Variants in MICU1 observed in about 807,000 individuals in gnomAD.
MICU1 encodes calcium uptake protein 1, mitochondrial.
Under a neutral mutation model 56.8 loss-of-function variants are expected in MICU1, and 45 were observed. The observed-to-expected ratio is 0.79, with a 90% CI of 0.62 to 1.02. The LOEUF is 1.02. Among genes scored for constraint, MICU1 ranks in the 50% least tolerant of loss-of-function variants. The pLI is 0.00. For synonymous variants in MICU1, 186 were observed against 195.1 expected (o/e 0.95, Z 0.39); for missense variants, 504 against 587.1 (o/e 0.86, Z 1.46).
chr10:72,616,893 G>T (rs531792818), intron 1 of MICU1, among the ~76,000 whole-genome samples: 421 of 152,260 alleles, frequency 2.8e-3, no homozygotes, highest in Middle Eastern at 6.8e-3. Context: ...CTCAATTAAG[G>T]GAAACTATTG....
intron 5 of MICU1, among the ~76,000 whole-genome samples, chr10:72,508,811 T>C (rs1260539192): frequency 1.3e-5 from 2 of 152,176 alleles, no homozygotes; most frequent in African/African-American, 4.8e-5. Context: ...CAGACCAGTA[T>C]GCAGAGTGAA....
intron 3 of MICU1, among the ~76,000 whole-genome samples, chr10:72,561,018 A>G (rs1314746149): frequency 6.6e-6 from 1 of 152,268 alleles, no homozygotes; most frequent in Non-Finnish European, 1.5e-5. Context: ...TGAAGACAGA[A>G]TAAGTGTTGA....
At chr10:72,398,565 A>G (rs956366186) in intron 10 of MICU1, among the ~76,000 whole-genome samples, 1 of 152,170 alleles carries the variant, frequency 6.6e-6, no homozygotes, top group Non-Finnish European at 1.5e-5. Context: ...TAAAGAAGAA[A>G]AGAGAGAAGA....
intron 2 of MICU1, among the ~76,000 whole-genome samples, chr10:72,563,297 A>G (rs563721328): frequency 6.6e-6 from 1 of 152,346 alleles, no homozygotes; most frequent in East Asian, 1.9e-4. Flanking sequence ...CAGCAGCACT[A>G]TGCACAATAG....
intron 8 of MICU1, among the ~76,000 whole-genome samples, chr10:72,451,755 C>T (rs1370073884): frequency 6.6e-6 from 1 of 152,136 alleles, no homozygotes; most frequent in African/African-American, 2.4e-5. Flanking sequence ...GTTGCCCAGG[C>T]TGGTCTTAAA....
chr10:72,509,699 TAG>T (rs1763880471), intron 5 of MICU1, among the ~76,000 whole-genome samples: 1 of 152,166 alleles, frequency 6.6e-6, no homozygotes, highest in Admixed American at 6.5e-5. Context: ...TGATAGCATT[TAG>T]AGATTACTTC....
chr10:72,530,335 AAATAAT>A (rs372087915), intron 5 of MICU1, among the ~76,000 whole-genome samples: 5,994 of 64,876 alleles, frequency 0.092, 408 homozygotes, highest in African/African-American at 0.2. Flanking sequence ...CTCCATATCA[AAATAAT>A]AATAATAATA....
chr10:72,461,540 G>A (rs1474736931), intron 8 of MICU1, among the ~76,000 whole-genome samples: 2 of 152,110 alleles, frequency 1.3e-5, no homozygotes, highest in East Asian at 3.9e-4. Context: ...AGTATTTCTT[G>A]TTCATTTATC....
rs1862496749 is a variant in MICU1, at chr10:72,375,773, C to A, written c.1270+10G>T. ...TGTTTCCCCTCCGGGCTCCAGAGGG[C>A]CCCACTCACCATCACAGTCAAAGAG... On this transcript the variant is annotated intron_variant, in intron 11 of 11. Coordinates refer to ENST00000361114, the MANE Select transcript of MICU1 (RefSeq NM_001195518.2). The A allele has an allele frequency of 1.9e-6, 3 of 1,610,170 alleles. No homozygotes were observed. Among genetic ancestry groups the A allele is most frequent in the Non-Finnish European group, 2.5e-6 (3 of 1,178,370 alleles).
At chr10:72,466,561 T>C (rs1589249352) in intron 8 of MICU1, among the ~76,000 whole-genome samples, 2 of 152,352 alleles carry the variant, frequency 1.3e-5, no homozygotes, top group South Asian at 2.1e-4. Context: ...GGAAATGTCA[T>C]TGAACATATC....
At chr10:72,467,391 T>C (rs112365224) in intron 8 of MICU1, among the ~76,000 whole-genome samples, 6,843 of 152,162 alleles carry the variant, frequency 0.045, 510 homozygotes, top group African/African-American at 0.16. Context: ...GCCATCTTGG[T>C]CAGCCTAGTC....
intron 6 of MICU1, among the ~76,000 whole-genome samples, chr10:72,494,681 GA>G (rs1238212143): frequency 6.7e-6 from 1 of 149,682 alleles, no homozygotes; most frequent in Non-Finnish European, 1.5e-5. Flanking sequence ...AAAAAAAAAA[GA>G]ACAACAACAA....
At chr10:72,540,054 G>A (rs1052434972) in intron 4 of MICU1, among the ~76,000 whole-genome samples, 3 of 151,932 alleles carry the variant, frequency 2.0e-5, no homozygotes, top group South Asian at 2.1e-4. Context: ...AATCACCTGA[G>A]GTCAGGAGTT....
At chr10:72,561,777 C>A (rs1348394603) in intron 3 of MICU1, among the ~76,000 whole-genome samples, 1 of 152,182 alleles carries the variant, frequency 6.6e-6, no homozygotes, top group Non-Finnish European at 1.5e-5. Context: ...TGCCATTGCA[C>A]TCTAGCCTGG....
intron 1 of MICU1, among the ~76,000 whole-genome samples, chr10:72,597,516 G>GT (rs913603402): frequency 1.3e-5 from 2 of 151,942 alleles, no homozygotes; most frequent in Non-Finnish European, 2.9e-5. Context: ...GACTTTTAGG[G>GT]TTTTTTTGCA....
In MICU1 at chr10:72,410,818, T is replaced by C. The variant is rs185299426; in HGVS notation, c.1072-2781A>G. On this transcript the variant is annotated intron_variant, in intron 9 of 11. Coordinates refer to ENST00000361114, the MANE Select transcript of MICU1 (RefSeq NM_001195518.2). Reference sequence around the variant, plus strand: ...ATGCATACCATAGTATGCTATTTAATGTAGGCACTAGCTAGAATCAAATTT... The same window carrying C: ...ATGCATACCATAGTATGCTATTTAACGTAGGCACTAGCTAGAATCAAATTT... 2.0e-3 allele frequency among the ~76,000 whole-genome samples: 303 copies of C among 152,314 alleles called. 2 individuals are homozygous for C. Among genetic ancestry groups the C allele is most frequent in the African/African-American group, 6.9e-3 (287 of 41,564 alleles).
intron 10 of MICU1, among the ~76,000 whole-genome samples, chr10:72,378,830 G>A (rs1298464440): frequency 6.6e-6 from 1 of 152,158 alleles, no homozygotes; most frequent in African/African-American, 2.4e-5. Context: ...GTGGAGGGAT[G>A]CCACCAGACA....
chr10:72,368,903 C>T (rs957101344), intron 11 of MICU1, among the ~76,000 whole-genome samples: 3 of 152,068 alleles, frequency 2.0e-5, no homozygotes, highest in Non-Finnish European at 4.4e-5. Context: ...CAGGATACAG[C>T]GTGGCTGCCA....
chr10:72,519,804 A>G (rs1157482708), intron 5 of MICU1, among the ~76,000 whole-genome samples: 1 of 152,206 alleles, frequency 6.6e-6, no homozygotes, highest in Non-Finnish European at 1.5e-5. Flanking sequence ...TTAAGATCTA[A>G]TTTTCAAGTT....
Sources: gnomAD v4.1 joint callset for allele counts (sites outside exome capture counted in the v4.1 genomes callset) on GRCh38, gnomAD v4.1.1 for gene constraint, MANE v1.5 for transcripts, NCBI Gene and HGNC (gene_info 2026-07-23, HGNC 2026-07-21) for gene names.